Variants in TRMT6 observed in about 807,000 individuals in gnomAD.
TRMT6 encodes tRNA (adenine(58)-N(1))-methyltransferase non-catalytic subunit TRM6.
A neutral mutation model predicts 59.0 loss-of-function variants in TRMT6; 34 were observed. That is an observed-to-expected ratio of 0.58 (90% CI 0.44 to 0.77). The LOEUF is 0.77. Ranked by LOEUF, TRMT6 falls within the 30% of genes least tolerant of loss-of-function variation. The probability of loss-of-function intolerance (pLI) is 0.00; values close to 1 mark genes in which losing one functional copy is unlikely to be tolerated. For synonymous variants in TRMT6, 217 were observed against 210.5 expected, an observed-to-expected ratio of 1.03 and a Z score of -0.27; for missense variants, 575 against 604.5, an observed-to-expected ratio of 0.95 and a Z score of 0.51.
intron 6 of TRMT6, among the ~76,000 whole-genome samples, 182 bp downstream of exon 6, chr20:5,943,377 G>A (rs542853757): frequency 2.6e-5 from 4 of 152,174 alleles, no homozygotes; most frequent in African/African-American, 4.8e-5. Flanking sequence ...ACCCATGGGT[G>A]GGGGGCTGGG....
At chr20:5,942,345 AG>A (rs748191462) in intron 7 of TRMT6, 82 bp downstream of exon 7, 2 of 1,276,922 alleles carry the variant, frequency 1.6e-6, no homozygotes, top group South Asian at 2.4e-5. Flanking sequence ...AATACACCAA[AG>A]CCAAACTAAA....
At chr20:5,947,876 C>T (rs2088721251) in intron 1 of TRMT6, among the ~76,000 whole-genome samples, 1 of 152,120 alleles carries the variant, frequency 6.6e-6, no homozygotes, top group African/African-American at 2.4e-5. Context: ...CGGGGAAAAA[C>T]TCCGTCTCTA....
At chr20:5,943,486 A>T (rs2088677099) in intron 6 of TRMT6, 73 bp downstream of exon 6, 1 of 1,582,528 alleles carries the variant, frequency 6.3e-7, no homozygotes, top group African/African-American at 1.4e-5. Flanking sequence ...GCTTTCCATG[A>T]GTTTACATTT....
intron 2 of TRMT6, among the ~76,000 whole-genome samples, chr20:5,945,154 A>C (rs1175828314): frequency 6.6e-6 from 1 of 152,170 alleles, no homozygotes; most frequent in Non-Finnish European, 1.5e-5. Flanking sequence ...GTTTAAATGC[A>C]ATTTGACTCA....
chr20:5,941,712 G>A (rs236175), intron 8 of TRMT6: 150,394 of 558,010 alleles, frequency 0.27, 28,870 homozygotes, highest in African/African-American at 0.72. Context: ...TGGGACCACA[G>A]GGCCCATCTT....
In TRMT6 at chr20:5,946,439, G is replaced by A. The variant is rs771368338; in HGVS notation, c.223C>T (p.Gln75Ter). ...GGCTCTTCCCTCTTCTTCTTGGGCT[G>A]TAGACTTCCTCCACTGGTCACTTCA... is the stretch of plus-strand genomic sequence containing the variant. Reference protein sequence around the residue: ...AFEVTSGGSLQPKKKREEPTA... With the variant: ...AFEVTSGGSL Residue 75 changes from glutamine to a stop codon, truncating the protein, a stop_gained, in exon 2 of 11, where the codon CAG becomes TAG. Coordinates refer to ENST00000203001, the MANE Select transcript of TRMT6 (RefSeq NM_015939.5). LOFTEE classifies it high-confidence loss of function. 1 of 1,614,126 alleles carries A rather than the reference G, an allele frequency of 6.2e-7. No individual in the cohort carries two copies. Among genetic ancestry groups the A allele is most frequent in the Admixed American group, 1.7e-5 (1 of 60,024 alleles).
At position 5,942,027 on chromosome 20, in the gene TRMT6, T is replaced by A; in HGVS notation, c.1036A>T (p.Lys346Ter). The change falls in exon 8 of 11, where the codon AAA (lysine) becomes TAA (stop). Residue 346 changes from lysine to a stop codon, truncating the protein, a stop_gained. Transcript: ENST00000203001. LOFTEE classifies it high-confidence loss of function. Reference protein sequence around the residue: ...RGSKKDYIQEKQRRQEEQRKR... With the variant: ...RGSKKDYIQE ...CTCTGCTCTTCTTGTCTCCTCTGTTTTTCCTGAATCTTCAAAAAGAAAAAT... is the reference window on the plus strand; with the variant it reads ...CTCTGCTCTTCTTGTCTCCTCTGTTATTCCTGAATCTTCAAAAAGAAAAAT... The A allele has an allele frequency of 6.2e-7, 1 of 1,612,558 alleles. No individual in the cohort carries two copies. The highest frequency in any genetic ancestry group is 8.5e-7 in the Non-Finnish European group (1 of 1,179,936).
At chr20:5,949,934 G>C (rs1197974994) in intron 1 of TRMT6, among the ~76,000 whole-genome samples, 2 of 152,016 alleles carry the variant, frequency 1.3e-5, no homozygotes, top group African/African-American at 4.8e-5. Flanking sequence ...ATTAGGGTGT[G>C]GAGAGGGAGG....
At chr20:5,941,770 GCAT>G in intron 8 of TRMT6, 178 bp downstream of exon 8, 1 of 631,826 alleles carries the variant, frequency 1.6e-6, no homozygotes, top group South Asian at 2.0e-5. Flanking sequence ...CCTGAAACCA[GCAT>G]CATCAATTCC....
At chr20:5,941,385 T>A in intron 8 of TRMT6, 40 bp from the exon 9 acceptor site, 20 of 1,452,176 alleles carry the variant, frequency 1.4e-5, no homozygotes, top group Non-Finnish European at 1.8e-5. Flanking sequence ...CTCTACACCC[T>A]CAAAGTGGAG....
intron 5 of TRMT6, 40 bp from the exon 6 acceptor site, chr20:5,943,723 A>G: frequency 6.3e-7 from 1 of 1,592,854 alleles, no homozygotes; most frequent in Non-Finnish European, 8.5e-7. Context: ...TTAGCTAAGT[A>G]AAGCCTATTA....
chr20:5,944,338 A>G (rs2088686622), intron 3 of TRMT6, 85 bp from the exon 4 acceptor site: 3 of 759,370 alleles, frequency 4.0e-6, no homozygotes, highest in Non-Finnish European at 2.1e-6. Context: ...CCAAGAATGG[A>G]TCCAATGGTC....
At chr20:5,949,703 G>C (rs1356427918) in intron 1 of TRMT6, among the ~76,000 whole-genome samples, 3 of 152,218 alleles carry the variant, frequency 2.0e-5, no homozygotes, top group East Asian at 1.9e-4. Context: ...GGGTAGAGAA[G>C]AGGATAGAAA....
chr20:5,943,671 G>C lies in TRMT6; in HGVS notation c.555C>G (p.Tyr185Ter), dbSNP rs764471292. ...ACGTCAACATCTGGGCTAGTGTATC[G>C]TATCTCATGTGGCTAAAGTAAAAAC... ...REPGKINHMR[Y>*]DTLAQMLTLG... The change falls in exon 6 of 11, where the codon TAC becomes TAG. Residue 185 changes from tyrosine (Y) to a stop codon, truncating the protein, a stop_gained. Transcript: ENST00000203001. LOFTEE classifies it high-confidence loss of function. 1 of 1,613,714 alleles carries C rather than the reference G, an allele frequency of 6.2e-7. No homozygotes were observed. The highest frequency in any genetic ancestry group is 2.2e-5 in the East Asian group (1 of 44,878).
Position 5,944,256 on chromosome 20 carries a change from A to G in TRMT6, c.367-3T>C, listed in dbSNP as rs551708414. ...TCAATTAACTGCTGAACTATTTCCT[A>G]TAAGAAAAGGAGCAAGTAGATTTTC... On this transcript the variant is annotated splice_region_variant and splice_polypyrimidine_tract_variant and intron_variant, in intron 3 of 10. Transcript: ENST00000203001. 5 of 1,520,158 alleles carry G rather than the reference A, an allele frequency of 3.3e-6. No homozygotes were observed. Among genetic ancestry groups the G allele is most frequent in the East Asian group, 2.3e-5 (1 of 43,062 alleles). 94.2% of individuals were successfully genotyped at this position (1,520,158 alleles called of 1,614,324 possible).
chr20:5,943,741 C>T, intron 5 of TRMT6, 58 bp from the exon 6 acceptor site: 3 of 1,569,130 alleles, frequency 1.9e-6, no homozygotes, highest in Non-Finnish European at 2.6e-6. Flanking sequence ...TTATTTTAAT[C>T]ATCATTTTTC....
chr20:5,948,324 T>G (rs1161046811), intron 1 of TRMT6, among the ~76,000 whole-genome samples: 1 of 152,076 alleles, frequency 6.6e-6, no homozygotes, highest in Non-Finnish European at 1.5e-5. Context: ...AGGAGTAGGA[T>G]TTGCAGAGTC....
At position 5,944,156 on chromosome 20, in the gene TRMT6, A is replaced by G. The variant is rs766050675; in HGVS notation, c.458+6T>C. On this transcript the variant is annotated splice_donor_region_variant and intron_variant, in intron 4 of 10. Transcript: ENST00000203001. Reference sequence around the variant, plus strand: ...TTGTGGGCCTTTTAAAATAAAAACTACTTACTTTTTTTTCTTCTTTTTAAT... The same window carrying G: ...TTGTGGGCCTTTTAAAATAAAAACTGCTTACTTTTTTTTCTTCTTTTTAAT... 6.8e-6 allele frequency: 10 copies of G among 1,462,170 alleles called. No homozygotes were observed. Among genetic ancestry groups the G allele is most frequent in the Non-Finnish European group, 9.2e-6 (10 of 1,082,190 alleles). The allele number at this position is 1,462,170 out of a possible 1,614,324, so 90.6% of individuals were successfully genotyped here. A position where few individuals can be genotyped will look rare whatever the true frequency, so the allele number is the denominator to read the frequency against.
chr20:5,947,251 C>G (rs190444077), intron 1 of TRMT6, among the ~76,000 whole-genome samples: 2 of 152,332 alleles, frequency 1.3e-5, no homozygotes, highest in Admixed American at 6.5e-5. Flanking sequence ...CTATACCACA[C>G]GGTCTACTCC....
Sources: gnomAD v4.1 joint callset for allele counts (sites outside exome capture counted in the v4.1 genomes callset) on GRCh38, gnomAD v4.1.1 for gene constraint, MANE v1.5 for transcripts, NCBI Gene and HGNC (gene_info 2026-07-23, HGNC 2026-07-21) for gene names.